The following TMEM108 variants were observed in gnomAD, a reference collection of about 807,000 sequenced individuals.
TMEM108 encodes the protein transmembrane protein 108.
TMEM108 carries 12 observed loss-of-function variants against 35.1 expected under a neutral mutation model. The observed-to-expected ratio is 0.34, with a 90% CI of 0.22 to 0.55. TMEM108 has a LOEUF of 0.55. TMEM108 is among the 20% of genes least tolerant of loss of function. TMEM108 has a pLI of 0.89. For missense variants in TMEM108, 680 were observed against 753.3 expected (o/e 0.90, Z 1.14); for synonymous variants, 287 against 308.6 (o/e 0.93, Z 0.73).
At chr3:133,381,288 A>G (rs774642168) in intron 4 of TMEM108, 127 bp downstream of exon 4, 6 of 1,021,224 alleles carry the variant, frequency 5.9e-6, no homozygotes, top group Non-Finnish European at 2.8e-6. Flanking sequence ...ATCTCAGGAA[A>G]CTAGGTATCA....
At chr3:133,385,007 CCTT>C (rs1215911745) in intron 4 of TMEM108, among the ~76,000 whole-genome samples, 2 of 152,088 alleles carry the variant, frequency 1.3e-5, no homozygotes, top group Admixed American at 6.5e-5. Flanking sequence ...AGTCTGGCCT[CCTT>C]CTAGACAGTG....
At chr3:133,098,942 G>C (rs532929142) in intron 2 of TMEM108, among the ~76,000 whole-genome samples, 1 of 152,266 alleles carries the variant, frequency 6.6e-6, no homozygotes, top group East Asian at 1.9e-4. Flanking sequence ...TCTGGAGGAT[G>C]GTGGCCCTCT....
intron 3 of TMEM108, among the ~76,000 whole-genome samples, chr3:133,313,913 A>C (rs182457290): frequency 1.3e-5 from 2 of 152,194 alleles, no homozygotes; most frequent in African/African-American, 4.8e-5. Flanking sequence ...TTTTAATGTG[A>C]ATTTAAGGAT....
chr3:133,229,924 T>A (rs1281083361), intron 3 of TMEM108, among the ~76,000 whole-genome samples: 1 of 152,230 alleles, frequency 6.6e-6, no homozygotes, highest in African/African-American at 2.4e-5. Context: ...TTTTTGCACA[T>A]CACTCATGTG....
chr3:133,303,815 A>G (rs968600619), intron 3 of TMEM108, among the ~76,000 whole-genome samples: 1 of 152,238 alleles, frequency 6.6e-6, no homozygotes, highest in Admixed American at 6.5e-5. Context: ...TGGAAAGACA[A>G]ATGATTCTAT....
intron 2 of TMEM108, among the ~76,000 whole-genome samples, chr3:133,107,492 GTGTGTA>G (rs1188824128): frequency 1.4e-5 from 2 of 145,314 alleles, no homozygotes; most frequent in Admixed American, 6.9e-5. Context: ...GTGTGTGTGT[GTGTGTA>G]TAAAATGATT....
chr3:133,081,218 GA>G (rs1943806601), intron 2 of TMEM108, among the ~76,000 whole-genome samples: 1 of 152,190 alleles, frequency 6.6e-6, no homozygotes. Flanking sequence ...TTTGACAAGA[GA>G]AATTTGTTTT....
At chr3:133,344,021 G>GA (rs1382335241) in intron 3 of TMEM108, among the ~76,000 whole-genome samples, 1 of 151,796 alleles carries the variant, frequency 6.6e-6, no homozygotes, top group Non-Finnish European at 1.5e-5. Context: ...TCCATCCACA[G>GA]AAAAATTGTC....
intron 2 of TMEM108, among the ~76,000 whole-genome samples, chr3:133,111,165 G>A (rs115766875): frequency 0.031 from 4,671 of 152,240 alleles, 131 homozygotes; most frequent in South Asian, 0.064. Flanking sequence ...TGAATGTAGT[G>A]TAAAAGCCAG....
chr3:133,277,017 A>C (rs1197071071), intron 3 of TMEM108, among the ~76,000 whole-genome samples: 3 of 152,150 alleles, frequency 2.0e-5, no homozygotes, highest in African/African-American at 7.2e-5. Context: ...ATGACGTGTG[A>C]GGTGCTGGAT....
At chr3:133,314,704 C>G (rs2071175106) in intron 3 of TMEM108, among the ~76,000 whole-genome samples, 1 of 152,186 alleles carries the variant, frequency 6.6e-6, no homozygotes. Flanking sequence ...AGCATGGAAT[C>G]CATCCTGGTA....
chr3:133,329,572 T>TCTTTGAGCAGCTTTG (rs1315826011), intron 3 of TMEM108, among the ~76,000 whole-genome samples: 2 of 152,340 alleles, frequency 1.3e-5, no homozygotes, highest in East Asian at 3.9e-4. Flanking sequence ...TGCAGGTTCA[T>TCTTTGAGCAGCTTTG]CTTTGAGCAG....
intron 2 of TMEM108, among the ~76,000 whole-genome samples, chr3:133,063,179 G>T (rs1380094251): frequency 6.6e-6 from 1 of 152,106 alleles, no homozygotes; most frequent in Non-Finnish European, 1.5e-5. Context: ...TTGGAGTTAG[G>T]GCAGAGAACA....
At chr3:133,090,774 T>G (rs1047718933) in intron 2 of TMEM108, among the ~76,000 whole-genome samples, 1 of 152,178 alleles carries the variant, frequency 6.6e-6, no homozygotes, top group Non-Finnish European at 1.5e-5. Flanking sequence ...ATTAAGATCA[T>G]ACTGAATTTA....
At chr3:133,249,508 T>C (rs1424429441) in intron 3 of TMEM108, among the ~76,000 whole-genome samples, 1 of 152,214 alleles carries the variant, frequency 6.6e-6, no homozygotes, top group African/African-American at 2.4e-5. Context: ...GCCATCTTTA[T>C]GTCCATGAGT....
chr3:133,193,601 C>T (rs1191632428), intron 2 of TMEM108, among the ~76,000 whole-genome samples: 2 of 151,880 alleles, frequency 1.3e-5, no homozygotes, highest in East Asian at 3.8e-4. Context: ...CTATGTGAAG[C>T]CATCAGTGAA....
intron 1 of TMEM108, among the ~76,000 whole-genome samples, chr3:133,045,048 A>G (rs1328817571): frequency 6.6e-6 from 1 of 151,508 alleles, no homozygotes; most frequent in Non-Finnish European, 1.5e-5. Context: ...GCTCACTGCA[A>G]GCTCCGCCTT....
chr3:133,223,784 A>G (rs1023216243), intron 2 of TMEM108, among the ~76,000 whole-genome samples: 1 of 152,222 alleles, frequency 6.6e-6, no homozygotes, highest in African/African-American at 2.4e-5. Context: ...CAGAAATTCT[A>G]TCACTGTGAA....
chr3:133,313,439 C>T (rs2071159420), intron 3 of TMEM108, among the ~76,000 whole-genome samples: 1 of 152,184 alleles, frequency 6.6e-6, no homozygotes, highest in Admixed American at 6.5e-5. Flanking sequence ...CCTGCCTTGG[C>T]CTCCCAAAGT....
Sources: allele counts gnomAD v4.1 joint callset (sites outside exome capture counted in the v4.1 genomes callset), GRCh38; gene constraint gnomAD v4.1.1; transcripts MANE v1.5; gene names NCBI Gene and HGNC (gene_info 2026-07-23, HGNC 2026-07-21).